The following GALNT10 variants were observed in gnomAD, a reference collection of about 807,000 sequenced individuals.
GALNT10 encodes polypeptide N-acetylgalactosaminyltransferase 10.
In GALNT10, 41 loss-of-function variants were observed where a neutral mutation model predicts 75.0. The ratio of observed to expected loss-of-function variants is 0.55; its 90% confidence interval spans 0.43 to 0.71. GALNT10 has a LOEUF of 0.71. Ranked by LOEUF, GALNT10 falls within the 30% of genes least tolerant of loss-of-function variation. The pLI is 0.00. For missense variants in GALNT10, 727 were observed against 818.5 expected, an observed-to-expected ratio of 0.89 and a Z score of 1.36; for synonymous variants, 302 against 313.0, an observed-to-expected ratio of 0.96 and a Z score of 0.37.
At chr5:154,215,386 G>A (rs1458582206) in intron 1 of GALNT10, among the ~76,000 whole-genome samples, 3 of 152,166 alleles carry the variant, frequency 2.0e-5, no homozygotes, top group Admixed American at 2.0e-4. Context: ...GGAGGCTGAG[G>A]CAGGAGAATG....
chr5:154,219,817 CTCT>C (rs1561632454), intron 1 of GALNT10: 5 of 75,624 alleles, frequency 6.6e-5, no homozygotes, highest in Admixed American at 3.3e-4. Flanking sequence ...CTCGCGCTCT[CTCT>C]CTCTCTCTCT....
chr5:154,259,629 C>A (rs1753670333), intron 1 of GALNT10, among the ~76,000 whole-genome samples: 1 of 152,030 alleles, frequency 6.6e-6, no homozygotes, highest in African/African-American at 2.4e-5. Context: ...GCCCAGCAGC[C>A]TCTCCCACCT....
chr5:154,193,271 GA>G (rs1330121999), intron 1 of GALNT10, among the ~76,000 whole-genome samples: 1 of 152,220 alleles, frequency 6.6e-6, no homozygotes. Context: ...GGTGCTACAG[GA>G]TTCAGCATTC....
intron 4 of GALNT10, among the ~76,000 whole-genome samples, chr5:154,345,947 ATTTTTTTTT>A (rs70978537): frequency 6.1e-5 from 4 of 65,414 alleles, no homozygotes; most frequent in Non-Finnish European, 1.1e-4. Context: ...CACCCGCCTA[ATTTTTTTTT>A]TTTTTTTTTT....
rs187536278 is a variant in GALNT10 at position 154,363,673 on chromosome 5, G to A, written c.569-12604G>A. ...ATCCACAAACACACTTGCATGTGACGGGCAGAGATGTTAAGTGGGGAGAGA... is the reference window on the plus strand; with the variant it reads ...ATCCACAAACACACTTGCATGTGACAGGCAGAGATGTTAAGTGGGGAGAGA... On this transcript the variant is annotated intron_variant, in intron 4 of 11. Coordinates refer to ENST00000297107, the MANE Select transcript of GALNT10 (RefSeq NM_198321.4). 2.7e-3 allele frequency among the ~76,000 whole-genome samples: 418 copies of A among 152,212 alleles called. 3 individuals are homozygous for A. The highest frequency in any genetic ancestry group is 9.5e-3 in the African/African-American group (394 of 41,530).
At chr5:154,300,151 T>C (rs1754339706) in intron 3 of GALNT10, among the ~76,000 whole-genome samples, 1 of 152,168 alleles carries the variant, frequency 6.6e-6, no homozygotes, top group Non-Finnish European at 1.5e-5. Context: ...CTAGATTTTT[T>C]CATGTAAGTC....
intron 6 of GALNT10, among the ~76,000 whole-genome samples, chr5:154,384,046 A>G (rs898498901): frequency 2.0e-5 from 3 of 152,184 alleles, no homozygotes; most frequent in Non-Finnish European, 4.4e-5. Context: ...AGCAAAGAGG[A>G]AAAAGCCCCT....
chr5:154,227,757 TC>T (rs1402164094), intron 1 of GALNT10, among the ~76,000 whole-genome samples: 1 of 152,062 alleles, frequency 6.6e-6, no homozygotes, highest in African/African-American at 2.4e-5. Context: ...TTTTTTTTTT[TC>T]CCTTATGTTT....
intron 1 of GALNT10, among the ~76,000 whole-genome samples, chr5:154,205,211 A>C (rs937753802): frequency 1.3e-5 from 2 of 152,214 alleles, no homozygotes; most frequent in African/African-American, 4.8e-5. Context: ...CCCTAAGGCA[A>C]CAGTCAAAGG....
chr5:154,295,939 A>AT (rs904116702), intron 2 of GALNT10, among the ~76,000 whole-genome samples: 4 of 152,156 alleles, frequency 2.6e-5, no homozygotes, highest in Non-Finnish European at 5.9e-5. Flanking sequence ...ACCACTATTG[A>AT]TTTTTTAAAG....
chr5:154,362,896 G>A (rs1755414350), intron 4 of GALNT10, among the ~76,000 whole-genome samples: 1 of 152,074 alleles, frequency 6.6e-6, no homozygotes, highest in African/African-American at 2.4e-5. Context: ...TTGTCTTCTG[G>A]AGGCAGAGAG....
chr5:154,227,110 G>C (rs1161692605), intron 1 of GALNT10, among the ~76,000 whole-genome samples: 1 of 147,396 alleles, frequency 6.8e-6, no homozygotes, highest in Non-Finnish European at 1.5e-5. Context: ...GGACATGTGG[G>C]TTGTTTCTAG....
intron 5 of GALNT10, among the ~76,000 whole-genome samples, chr5:154,379,091 C>T (rs987521420): frequency 6.6e-6 from 1 of 152,148 alleles, no homozygotes; most frequent in Non-Finnish European, 1.5e-5. Flanking sequence ...CACTGATGGC[C>T]CCTGATCCAC....
intron 1 of GALNT10, among the ~76,000 whole-genome samples, chr5:154,194,169 TA>T (rs1165078588): frequency 2.0e-5 from 3 of 152,336 alleles, no homozygotes; most frequent in African/African-American, 4.8e-5. Flanking sequence ...CTTCACTGGA[TA>T]AATAGCATAT....
intron 4 of GALNT10, among the ~76,000 whole-genome samples, chr5:154,340,265 A>G (rs1421912409): frequency 6.6e-6 from 1 of 152,204 alleles, no homozygotes; most frequent in African/African-American, 2.4e-5. Flanking sequence ...CAATAATAAT[A>G]ATGCGACACA....
chr5:154,283,029 G>T (rs1297489221), intron 1 of GALNT10, among the ~76,000 whole-genome samples: 1 of 152,136 alleles, frequency 6.6e-6, no homozygotes, highest in Non-Finnish European at 1.5e-5. Context: ...GATGATTCCT[G>T]TGGGAGCATC....
chr5:154,378,175 G>A (rs144874411), intron 5 of GALNT10, among the ~76,000 whole-genome samples: 3 of 152,322 alleles, frequency 2.0e-5, no homozygotes, highest in African/African-American at 7.2e-5. Flanking sequence ...AGCTGACAGA[G>A]CGCATCATGG....
In GALNT10 at chr5:154,298,097, C is replaced by A; in HGVS notation, c.401+18C>A. The A allele has an allele frequency of 6.2e-7, 1 of 1,607,300 alleles. No homozygotes were observed. Among genetic ancestry groups the A allele is most frequent in the Non-Finnish European group, 8.5e-7 (1 of 1,175,438 alleles). ...CACCCAAAGTGAGTGTAACATCTCT[C>A]AAATTCTGAGATCTAAGGATGTTTC... On this transcript the variant is annotated intron_variant, in intron 3 of 11. Transcript: ENST00000297107. This position sits in a 1 kb window ranked among gnomAD's most constrained non-coding sequence, Gnocchi z 4.1.
chr5:154,261,587 C>T (rs1753699474), intron 1 of GALNT10, among the ~76,000 whole-genome samples: 1 of 152,154 alleles, frequency 6.6e-6, no homozygotes, highest in Admixed American at 6.6e-5. Flanking sequence ...ATTCCTACTA[C>T]CGGAGGTATA....
Sources: allele counts gnomAD v4.1 joint callset (sites outside exome capture counted in the v4.1 genomes callset), GRCh38; gene constraint gnomAD v4.1.1; non-coding constraint Gnocchi (gnomAD v3.1); transcripts MANE v1.5; gene names NCBI Gene and HGNC (gene_info 2026-07-23, HGNC 2026-07-21).